Variants in PKHD1 observed in about 807,000 individuals in gnomAD.
PKHD1 encodes fibrocystin.
In PKHD1, 291 loss-of-function variants were observed where a neutral mutation model predicts 412.0. The observed-to-expected ratio is 0.71, with a 90% confidence interval of 0.64 to 0.78. The LOEUF (loss-of-function observed/expected upper bound fraction) is 0.78. Ranked by LOEUF, PKHD1 falls within the 30% of genes least tolerant of loss-of-function variation. PKHD1 has a pLI of 0.00. For missense variants in PKHD1, 4,825 were observed against 4,950.7 expected (o/e 0.97, Z 0.76); for synonymous variants, 1,777 against 1,821.5 (o/e 0.98, Z 0.62).
In PKHD1 at chr6:51,901,798, T is replaced by C. The variant is rs138361784; in HGVS notation, c.6996+1799A>G. ...CCTAAAACTCCATTCTCAAAACATA[T>C]GCATTGTATTTTTTTTCTAATTTTG... On this transcript the variant is annotated intron_variant, in intron 43 of 66. Transcript: ENST00000371117. Among the ~76,000 whole-genome samples, 378 of 152,088 alleles carry C rather than the reference T, an allele frequency of 2.5e-3. 3 individuals carry two copies. Among genetic ancestry groups the C allele is most frequent in the African/African-American group, 8.1e-3 (337 of 41,496 alleles).
intron 58 of PKHD1, among the ~76,000 whole-genome samples, chr6:51,747,144 C>T (rs1283745051): frequency 6.6e-6 from 1 of 152,074 alleles, no homozygotes; most frequent in Non-Finnish European, 1.5e-5. Context: ...TCATTTGAGG[C>T]TTAATCAAAA....
Position 51,868,014 on chromosome 6 carries a change from C to T in PKHD1, c.7582G>A (p.Asp2528Asn), listed in dbSNP as rs142487082. Reference protein sequence around the residue: ...FPHAAILEDLDGSLSGKNRSH... With the variant: ...FPHAAILEDLNGSLSGKNRSH... ...CTGTTTTTCCCAGACAGAGACCCAT[C>T]CAAGTCTTCCAAAATTGCTGCATGA... is the stretch of plus-strand genomic sequence containing the variant. Residue 2528 changes from aspartate (D) to asparagine (N), a missense_variant, in exon 48 of 67, where the codon GAT (aspartate) becomes AAT (asparagine). Transcript: ENST00000371117. The T allele has an allele frequency of 2.6e-5, 42 of 1,612,718 alleles. No individual in the cohort carries two copies. Among genetic ancestry groups the T allele is most frequent in the Non-Finnish European group, 3.5e-5 (41 of 1,178,932 alleles).
chr6:51,841,015 A>G (rs1016933403), intron 50 of PKHD1, among the ~76,000 whole-genome samples: 3 of 152,052 alleles, frequency 2.0e-5, no homozygotes, highest in African/African-American at 7.3e-5. Context: ...AAATTGATTT[A>G]AGAAAAATAT....
intron 60 of PKHD1, among the ~76,000 whole-genome samples, chr6:51,668,138 G>C (rs994092762): frequency 1.3e-5 from 2 of 152,140 alleles, no homozygotes; most frequent in Non-Finnish European, 2.9e-5. Context: ...ACCTTGTGCA[G>C]TATGGCCATT....
chr6:51,799,747 T>C (rs1762623002), intron 52 of PKHD1, among the ~76,000 whole-genome samples: 1 of 152,210 alleles, frequency 6.6e-6, no homozygotes, highest in Admixed American at 6.5e-5. Flanking sequence ...GATTTCTCTC[T>C]TTTGAGGAGT....
Position 52,043,744 on chromosome 6 carries a change from A to T in PKHD1, c.2716-14T>A, listed in dbSNP as rs375942238. The T allele has an allele frequency of 2.5e-6, 4 of 1,599,010 alleles. No individual in the cohort carries two copies. The highest frequency in any genetic ancestry group is 1.3e-5 in the African/African-American group (1 of 74,624). The stretch of plus-strand genomic sequence containing the variant: ...TCGCACAACCACCTGAAATGAGGCA[A>T]AATTTCTTTTCCATTTTATGCATTT... On this transcript the variant is annotated splice_polypyrimidine_tract_variant and intron_variant, in intron 25 of 66. Coordinates refer to ENST00000371117, the MANE Select transcript of PKHD1 (RefSeq NM_138694.4).
intron 39 of PKHD1, among the ~76,000 whole-genome samples, chr6:51,911,362 T>G (rs955169466): frequency 6.6e-6 from 1 of 152,132 alleles, no homozygotes; most frequent in East Asian, 1.9e-4. Context: ...GGTAGTTCAC[T>G]CAGAAAACAA....
Position 51,923,964 on chromosome 6 carries a change from C to T in PKHD1, c.6121+10146G>A, listed in dbSNP as rs189317097. Among the ~76,000 whole-genome samples, 26 of 152,260 alleles carry T rather than the reference C, an allele frequency of 1.7e-4. No individual in the cohort carries two copies. In the East Asian group the frequency reaches 4.8e-3, roughly 28 times the overall value. ...CCCTTGCAGGCCCCAGTTTCATCAT[C>T]TCTAAAATGAAAGTAACGATCCCAG... is the stretch of plus-strand genomic sequence containing the variant. On this transcript the variant is annotated intron_variant, in intron 37 of 66. Transcript: ENST00000371117.
chr6:52,044,995 T>A lies in PKHD1; in HGVS notation c.2686A>T (p.Met896Leu), dbSNP rs762656570. The A allele has an allele frequency of 1.9e-6, 3 of 1,613,656 alleles. No homozygotes were observed. Among genetic ancestry groups the A allele is most frequent in the Non-Finnish European group, 2.5e-6 (3 of 1,179,590 alleles). ...GTATGCTGGTTGGCAGTAGCCAACA[T>A]GTCTCCAAATATGGGTCCAAGAAAA... Reference protein sequence around the residue: ...GVFLGPIFGDMLATANQHTQV... With the variant: ...GVFLGPIFGDLLATANQHTQV... Residue 896 changes from methionine (M) to leucine (L), a missense_variant, in exon 25 of 67, where the codon ATG becomes TTG. Physicochemically the swap from Met to Leu is conservative, Grantham distance 15. Coordinates refer to ENST00000371117, the MANE Select transcript of PKHD1 (RefSeq NM_138694.4).
intron 37 of PKHD1, among the ~76,000 whole-genome samples, chr6:51,931,465 T>C (rs1195900236): frequency 2.6e-5 from 4 of 152,152 alleles, no homozygotes; most frequent in Non-Finnish European, 4.4e-5. Context: ...TGAAATGACT[T>C]TAGCCATGAT....
intron 33 of PKHD1, among the ~76,000 whole-genome samples, chr6:52,019,932 G>A (rs1186556325): frequency 1.3e-5 from 2 of 152,152 alleles, no homozygotes; most frequent in Non-Finnish European, 2.9e-5. Context: ...AGAGCCCCCT[G>A]CTTTAACTCC....
chr6:51,860,125 A>G (rs987244917), intron 48 of PKHD1, among the ~76,000 whole-genome samples: 8 of 152,224 alleles, frequency 5.3e-5, no homozygotes, highest in Non-Finnish European at 8.8e-5. Flanking sequence ...GTAGTGCAAT[A>G]CAGGTAGAGA....
intron 64 of PKHD1, 108 bp downstream of exon 64, chr6:51,638,741 T>A: frequency 2.7e-6 from 2 of 750,280 alleles, no homozygotes; most frequent in South Asian, 3.0e-5. Context: ...TAAACTATGA[T>A]GACCTCTTAT....
rs187212147 is a variant in PKHD1, at chr6:51,998,085, C to T, written c.5751+12224G>A. Among the ~76,000 whole-genome samples, 64 of 152,270 alleles carry T rather than the reference C, an allele frequency of 4.2e-4. 2 individuals carry two copies. The highest frequency in any genetic ancestry group is 1.5e-3 in the African/African-American group (64 of 41,538). On this transcript the variant is annotated intron_variant, in intron 35 of 66. Coordinates refer to ENST00000371117, the MANE Select transcript of PKHD1 (RefSeq NM_138694.4). ...GCGATAAATAATCCCAAGTTTTCAGCGGAGCAATACAACAAAAGCTTATGT... is the reference window on the plus strand; with the variant it reads ...GCGATAAATAATCCCAAGTTTTCAGTGGAGCAATACAACAAAAGCTTATGT...
chr6:51,934,085 T>A, intron 37 of PKHD1, 25 bp downstream of exon 37: 1 of 1,545,574 alleles, frequency 6.5e-7, no homozygotes, highest in Non-Finnish European at 8.9e-7. Flanking sequence ...CTACTTCATT[T>A]CCTCTGATCA....
rs761763100 is a variant in PKHD1, at chr6:51,885,830, A to AAAC, written c.7215+34_7215+36dup. ...AAACAAGTGACAGTTTTAATTTTAA[A>AAAC]AACAACAACAATAACAACAACAACA... On this transcript the variant is annotated intron_variant, in intron 45 of 66. Coordinates refer to ENST00000371117, the MANE Select transcript of PKHD1 (RefSeq NM_138694.4). 16 of 1,332,092 alleles carry AAAC rather than the reference A, an allele frequency of 1.2e-5. No individual in the cohort carries two copies. The African/African-American group carries it at 1.6e-4, about 13-fold the overall frequency. 82.5% of individuals were successfully genotyped at this position (1,332,092 alleles called of 1,614,324 possible).
intron 60 of PKHD1, among the ~76,000 whole-genome samples, chr6:51,697,054 T>C (rs190089864): frequency 2.6e-5 from 4 of 152,092 alleles, no homozygotes; most frequent in Non-Finnish European, 4.4e-5. Flanking sequence ...CCAGGCATGG[T>C]GACACGCACC....
chr6:52,068,198 G>A (rs1029755486), intron 11 of PKHD1, among the ~76,000 whole-genome samples: 1 of 152,152 alleles, frequency 6.6e-6, no homozygotes, highest in Admixed American at 6.5e-5. Context: ...GGCTCAAAAA[G>A]CTTAAAAGGC....
At chr6:51,820,876 C>T (rs1045070694) in intron 52 of PKHD1, among the ~76,000 whole-genome samples, 2 of 152,122 alleles carry the variant, frequency 1.3e-5, no homozygotes, top group African/African-American at 4.8e-5. Context: ...GGCAACTGTA[C>T]CTAAACCAAT....
Sources: allele counts gnomAD v4.1 joint callset (sites outside exome capture counted in the v4.1 genomes callset), GRCh38; gene constraint gnomAD v4.1.1; transcripts MANE v1.5; gene names NCBI Gene and HGNC (gene_info 2026-07-23, HGNC 2026-07-21).